DGKI: variants seen among roughly 807,000 people sequenced by gnomAD.
DGKI encodes diacylglycerol kinase iota.
In DGKI, 55 loss-of-function variants were observed where a neutral mutation model predicts 147.5. That is an observed-to-expected ratio of 0.37 (90% CI 0.30 to 0.47). The LOEUF (loss-of-function observed/expected upper bound fraction) is 0.47. Among genes scored for constraint, DGKI ranks in the 20% least tolerant of loss-of-function variants. DGKI has a pLI of 1.00. For synonymous variants in DGKI, 469 were observed against 477.1 expected (o/e 0.98, Z 0.22); for missense variants, 1,007 against 1,323.8 (o/e 0.76, Z 3.71).
intron 1 of DGKI, among the ~76,000 whole-genome samples, chr7:137,818,857 A>G (rs958638622): frequency 2.0e-5 from 3 of 152,238 alleles, no homozygotes; most frequent in Admixed American, 6.5e-5. Context: ...ATACACAGAT[A>G]ATTTCTATTT....
rs1348794179 is a variant in DGKI at position 137,517,250 on chromosome 7, GAA to G, written c.2248+4614_2248+4615del. Reference sequence around the variant, plus strand: ...AAAAGAAAGAAAGAAAGAAAGAAAAGAAAAAGAAAGAAAGAAAGAAAGAAAAG... The same window carrying G: ...AAAAGAAAGAAAGAAAGAAAGAAAAGAAAGAAAGAAAGAAAGAAAGAAAAG... On this transcript the variant is annotated intron_variant, in intron 21 of 32. Coordinates refer to ENST00000614521, the MANE Select transcript of DGKI (RefSeq NM_001321708.2). Among the ~76,000 whole-genome samples, 684 of 80,198 alleles carry G rather than the reference GAA, an allele frequency of 8.5e-3. 18 individuals carry two copies. The highest frequency in any genetic ancestry group is 0.063 in the East Asian group (201 of 3,204). The allele number at this position is 80,198 out of a possible 152,430, so 52.6% of individuals were successfully genotyped here.
rs151323185 is a variant in DGKI, at chr7:137,718,538, C to T, written c.402-28536G>A. 4.5e-4 allele frequency among the ~76,000 whole-genome samples: 69 copies of T among 152,310 alleles called. No homozygotes were observed. In the East Asian group the frequency reaches 0.011, roughly 24 times the overall value. On this transcript the variant is annotated intron_variant, in intron 1 of 32. Transcript: ENST00000614521. ...CACTCAAGCGCTTTCTCCTTGGATACGCAAGGCTCCAGACACACAGCTCCA... is the reference window on the plus strand; with the variant it reads ...CACTCAAGCGCTTTCTCCTTGGATATGCAAGGCTCCAGACACACAGCTCCA...
At chr7:137,769,769 T>C (rs895688802) in intron 1 of DGKI, among the ~76,000 whole-genome samples, 2 of 152,100 alleles carry the variant, frequency 1.3e-5, no homozygotes, top group African/African-American at 2.4e-5. Flanking sequence ...AAAACCACAA[T>C]GAGATACTAT....
intron 17 of DGKI, among the ~76,000 whole-genome samples, chr7:137,573,207 A>G (rs1328544929): frequency 1.3e-5 from 2 of 152,196 alleles, no homozygotes; most frequent in African/African-American, 4.8e-5. Flanking sequence ...TGAAAAGAAA[A>G]AAGCCTCAAG....
At chr7:137,794,389 C>T (rs185249814) in intron 1 of DGKI, among the ~76,000 whole-genome samples, 23 of 152,298 alleles carry the variant, frequency 1.5e-4, no homozygotes, top group Admixed American at 1.4e-3. Flanking sequence ...ACTTTAGGAG[C>T]AGATACTTCT....
At chr7:137,793,385 C>A (rs1400891258) in intron 1 of DGKI, among the ~76,000 whole-genome samples, 1 of 152,030 alleles carries the variant, frequency 6.6e-6, no homozygotes, top group Admixed American at 6.6e-5. Flanking sequence ...ACTGCAACCT[C>A]CACCTCCCGG....
At chr7:137,527,664 C>T (rs1380498447) in intron 20 of DGKI, among the ~76,000 whole-genome samples, 1 of 152,094 alleles carries the variant, frequency 6.6e-6, no homozygotes, top group African/African-American at 2.4e-5. Flanking sequence ...TATGTAGAAA[C>T]ATTGATTTTT....
chr7:137,568,656 A>G (rs1490922209), intron 19 of DGKI, among the ~76,000 whole-genome samples: 2 of 152,118 alleles, frequency 1.3e-5, no homozygotes, highest in African/African-American at 4.8e-5. Context: ...CTCTTTGCAA[A>G]TATCACTCCT....
intron 21 of DGKI, among the ~76,000 whole-genome samples, chr7:137,499,057 A>G (rs1021149259): frequency 1.3e-5 from 2 of 152,164 alleles, no homozygotes; most frequent in Non-Finnish European, 2.9e-5. Flanking sequence ...TTCTTGGGAA[A>G]CTTAAGCTAA....
At chr7:137,450,985 C>T (rs1019306441) in intron 27 of DGKI, among the ~76,000 whole-genome samples, 1 of 151,860 alleles carries the variant, frequency 6.6e-6, no homozygotes, top group Non-Finnish European at 1.5e-5. Flanking sequence ...AAACAAAATG[C>T]TATTTTAGAT....
At chr7:137,577,526 A>G (rs1221971734) in intron 16 of DGKI, among the ~76,000 whole-genome samples, 1 of 152,246 alleles carries the variant, frequency 6.6e-6, no homozygotes, top group Non-Finnish European at 1.5e-5. Flanking sequence ...AGTGAAAAAT[A>G]GACAATTCTG....
chr7:137,596,061 AAGG>A (rs1819788099), intron 12 of DGKI, among the ~76,000 whole-genome samples: 4 of 150,158 alleles, frequency 2.7e-5, no homozygotes, highest in Admixed American at 2.7e-4. Flanking sequence ...AGGAAGAAGA[AAGG>A]AGAGAGAATG....
chr7:137,547,562 A>G (rs920995725), intron 20 of DGKI, among the ~76,000 whole-genome samples: 1 of 152,222 alleles, frequency 6.6e-6, no homozygotes, highest in African/African-American at 2.4e-5. Flanking sequence ...TTTTAGATTT[A>G]TGTTATCTTA....
intron 1 of DGKI, among the ~76,000 whole-genome samples, chr7:137,789,235 A>G (rs1342914502): frequency 6.6e-6 from 1 of 152,160 alleles, no homozygotes; most frequent in Non-Finnish European, 1.5e-5. Context: ...TTTGTTTCTC[A>G]TTTTAGTACC....
At chr7:137,615,531 A>ATGTGTGTG (rs5887846) in intron 8 of DGKI, among the ~76,000 whole-genome samples, 113 of 135,864 alleles carry the variant, frequency 8.3e-4, no homozygotes, top group African/African-American at 2.4e-3. Flanking sequence ...ATATGTATGT[A>ATGTGTGTG]TGTGTGTGTG....
chr7:137,796,820 A>G (rs918770575), intron 1 of DGKI, among the ~76,000 whole-genome samples: 5 of 152,228 alleles, frequency 3.3e-5, no homozygotes, highest in Non-Finnish European at 5.9e-5. Context: ...CTTGTGGGAC[A>G]TGAGCCAGCA....
chr7:137,421,817 ATAGT>A (rs1439753953), intron 28 of DGKI, among the ~76,000 whole-genome samples: 2 of 152,234 alleles, frequency 1.3e-5, no homozygotes, highest in Admixed American at 6.5e-5. Flanking sequence ...TGCTTAATAA[ATAGT>A]TGGTTGATCC....
At chr7:137,771,585 A>G (rs1279580841) in intron 1 of DGKI, 1 of 152,238 alleles carries the variant, frequency 6.6e-6, no homozygotes, top group Non-Finnish European at 1.5e-5. Flanking sequence ...AATAGATACC[A>G]ATAAACATGC....
At chr7:137,672,251 G>A (rs1822867176) in intron 3 of DGKI, among the ~76,000 whole-genome samples, 1 of 152,170 alleles carries the variant, frequency 6.6e-6, no homozygotes, top group Admixed American at 6.5e-5. Flanking sequence ...TTATAGAATG[G>A]CTACTATATT....
Sources: gnomAD v4.1 joint callset for allele counts (sites outside exome capture counted in the v4.1 genomes callset) on GRCh38, gnomAD v4.1.1 for gene constraint, MANE v1.5 for transcripts, NCBI Gene and HGNC (gene_info 2026-07-23, HGNC 2026-07-21) for gene names.